GRIK2: variants seen among roughly 807,000 people sequenced by gnomAD.
GRIK2 encodes glutamate receptor ionotropic, kainate 2.
In GRIK2, 32 loss-of-function variants were observed where a neutral mutation model predicts 100.3. That is an observed-to-expected ratio of 0.32 (90% CI 0.24 to 0.43). GRIK2 has a LOEUF of 0.43. Among genes scored for constraint, GRIK2 ranks in the 20% least tolerant of loss-of-function variants. The probability of loss-of-function intolerance (pLI) is 1.00; values close to 1 mark genes in which losing one functional copy is unlikely to be tolerated. For synonymous variants in GRIK2, 417 were observed against 389.4 expected (o/e 1.07, Z -0.83); for missense variants, 843 against 1,114.9 (o/e 0.76, Z 3.47).
intron 4 of GRIK2, among the ~76,000 whole-genome samples, chr6:101,654,550 C>G (rs1781966577): frequency 6.6e-6 from 1 of 152,184 alleles, no homozygotes; most frequent in African/African-American, 2.4e-5. Flanking sequence ...CTCCTCTCCC[C>G]ATTCTGTAAT....
intron 2 of GRIK2, among the ~76,000 whole-genome samples, chr6:101,604,489 A>T (rs1779359571): frequency 6.6e-6 from 1 of 151,904 alleles, no homozygotes; most frequent in Non-Finnish European, 1.5e-5. Context: ...TAATTAAGTG[A>T]TGAATGCCAT....
At chr6:101,808,970 A>G (rs2128417598) in intron 9 of GRIK2, among the ~76,000 whole-genome samples, 1 of 151,586 alleles carries the variant, frequency 6.6e-6, no homozygotes, top group East Asian at 1.9e-4. Context: ...GTCAATTTCT[A>G]TAGTTAATAA....
chr6:101,950,502 T>A (rs764259097), intron 14 of GRIK2, among the ~76,000 whole-genome samples: 1 of 152,136 alleles, frequency 6.6e-6, no homozygotes, highest in Non-Finnish European at 1.5e-5. Context: ...TAGAATGGAC[T>A]CTTACCCTCA....
chr6:101,821,037 T>A (rs944648006), intron 10 of GRIK2, among the ~76,000 whole-genome samples: 1 of 152,176 alleles, frequency 6.6e-6, no homozygotes, highest in Admixed American at 6.5e-5. Flanking sequence ...TAGCAAGAGC[T>A]CAATAAATAT....
intron 7 of GRIK2, among the ~76,000 whole-genome samples, chr6:101,779,602 C>T (rs1197061848): frequency 6.6e-6 from 1 of 152,126 alleles, no homozygotes; most frequent in Admixed American, 6.5e-5. Flanking sequence ...TGAAAGGCAG[C>T]CCACATTCCA....
intron 10 of GRIK2, among the ~76,000 whole-genome samples, chr6:101,819,536 G>A (rs138460314): frequency 2.0e-5 from 3 of 152,046 alleles, no homozygotes; most frequent in Admixed American, 6.6e-5. Context: ...GTGGATACTC[G>A]CTCTCTCTGT....
intron 2 of GRIK2, among the ~76,000 whole-genome samples, chr6:101,536,802 A>T (rs4840192): frequency 0.05 from 7,658 of 151,768 alleles, 263 homozygotes; most frequent in Non-Finnish European, 0.065. Flanking sequence ...ATTCAGCTAG[A>T]TTCTTCCAAT....
At chr6:101,725,382 C>A (rs2128367769) in intron 7 of GRIK2, among the ~76,000 whole-genome samples, 1 of 152,136 alleles carries the variant, frequency 6.6e-6, no homozygotes, top group Admixed American at 6.6e-5. Flanking sequence ...GAAGTATCTT[C>A]TCTAAACTAC....
At chr6:101,486,848 C>G (rs899422570) in intron 2 of GRIK2, among the ~76,000 whole-genome samples, 2 of 146,592 alleles carry the variant, frequency 1.4e-5, no homozygotes, top group African/African-American at 5.2e-5. Flanking sequence ...GAAATAGCAC[C>G]AAGTCCTGAC....
At chr6:102,041,031 G>C (rs951480183) in intron 15 of GRIK2, among the ~76,000 whole-genome samples, 2 of 151,486 alleles carry the variant, frequency 1.3e-5, no homozygotes, top group African/African-American at 4.8e-5. Flanking sequence ...AATTACACCT[G>C]TTCAAGCTGT....
At chr6:101,590,689 T>C (rs1037371187) in intron 2 of GRIK2, among the ~76,000 whole-genome samples, 1 of 152,044 alleles carries the variant, frequency 6.6e-6, no homozygotes, top group African/African-American at 2.4e-5. Flanking sequence ...GAGATCTTAA[T>C]ATCATCTTTA....
chr6:101,515,169 T>C (rs1249305449), intron 2 of GRIK2, among the ~76,000 whole-genome samples: 1 of 152,128 alleles, frequency 6.6e-6, no homozygotes, highest in Non-Finnish European at 1.5e-5. Flanking sequence ...CTTTCCTGAC[T>C]TACATCACTT....
At chr6:101,633,296 T>C (rs529140775) in intron 4 of GRIK2, among the ~76,000 whole-genome samples, 20 of 152,164 alleles carry the variant, frequency 1.3e-4, no homozygotes, top group Non-Finnish European at 2.2e-4. Context: ...GAAAAAGACA[T>C]AGAGGGCCAT....
intron 14 of GRIK2, among the ~76,000 whole-genome samples, chr6:102,006,390 A>ATTTTTTT (rs34620995): frequency 7.9e-5 from 9 of 114,084 alleles, no homozygotes; most frequent in African/African-American, 2.7e-4. Flanking sequence ...ATATATATAT[A>ATTTTTTT]TTTTTTTTTT....
chr6:101,816,915 T>TG (rs1252687792), intron 9 of GRIK2, among the ~76,000 whole-genome samples: 1 of 152,082 alleles, frequency 6.6e-6, no homozygotes, highest in Non-Finnish European at 1.5e-5. Context: ...ATTGGGATTG[T>TG]GGCCCCTCCT....
intron 1 of GRIK2, among the ~76,000 whole-genome samples, chr6:101,396,242 TCC>T (rs112605796): frequency 0.01 from 1,385 of 132,324 alleles, 33 homozygotes; most frequent in African/African-American, 0.034. Context: ...AATTTAGCAT[TCC>T]CCCCCCCCCC....
rs181505648 is a variant in GRIK2 at position 101,415,823 on chromosome 6, G to A, written c.115+16431G>A. On this transcript the variant is annotated intron_variant, in intron 2 of 16. Transcript: ENST00000369134. Reference sequence around the variant, plus strand: ...CCTTTGAGCAATATGATTGGAATATGCTAATGAATCTTCCTAAATTTTAGT... The same window carrying A: ...CCTTTGAGCAATATGATTGGAATATACTAATGAATCTTCCTAAATTTTAGT... 4.1e-3 allele frequency among the ~76,000 whole-genome samples: 629 copies of A among 152,202 alleles called. 4 individuals are homozygous for A. Among genetic ancestry groups the A allele is most frequent in the African/African-American group, 0.013 (555 of 41,528 alleles).
chr6:101,421,284 C>T (rs1036737972), intron 2 of GRIK2, among the ~76,000 whole-genome samples: 2 of 152,164 alleles, frequency 1.3e-5, no homozygotes, highest in Non-Finnish European at 2.9e-5. Flanking sequence ...AGAACTTTGC[C>T]TTTCTCTCTC....
chr6:102,045,820 A>T (rs946910018), intron 15 of GRIK2, among the ~76,000 whole-genome samples: 1 of 152,132 alleles, frequency 6.6e-6, no homozygotes, highest in Non-Finnish European at 1.5e-5. Context: ...TTATTTAAAA[A>T]GCAATGAATA....
Sources: allele counts gnomAD v4.1 joint callset (sites outside exome capture counted in the v4.1 genomes callset), GRCh38; gene constraint gnomAD v4.1.1; transcripts MANE v1.5; gene names NCBI Gene and HGNC (gene_info 2026-07-23, HGNC 2026-07-21).